The following RLIG1 variants were observed in gnomAD, a reference collection of about 807,000 sequenced individuals.
RLIG1 encodes RNA 5'-phosphate and 3'-OH ligase 1, also known as RNA ligase 1.
chr12:88,048,371 AATAG>A, the RLIG1 span: 247 of 1,588,528 alleles, frequency 1.6e-4, no homozygotes, highest in Non-Finnish European at 1.9e-4. Context: ...ATTTTTTAAA[AATAG>A]ATAATCAGAA....
the RLIG1 span, chr12:88,048,225 T>G: frequency 6.6e-7 from 1 of 1,520,334 alleles, no homozygotes. Context: ...ACCTTTTTTC[T>G]CTTTCCAGGT....
chr12:88,040,138 T>TC, the RLIG1 span: 129 of 1,530,858 alleles, frequency 8.4e-5, no homozygotes, highest in Non-Finnish European at 8.0e-5. Context: ...TCTCTCTCTC[T>TC]TTTTTTAAGC....
chr12:88,041,284 C>T, the RLIG1 span, among the ~76,000 whole-genome samples: 1 of 151,992 alleles, frequency 6.6e-6, no homozygotes, highest in Non-Finnish European at 1.5e-5. Flanking sequence ...AATTTTATTC[C>T]TTTTTAAAGC....
At chr12:88,040,277 C>G in the RLIG1 span, 10 of 1,362,992 alleles carry the variant, frequency 7.3e-6, no homozygotes, top group South Asian at 3.8e-5. Context: ...TAAAATAAAA[C>G]TATAATATTT....
At chr12:88,043,899 A>G in the RLIG1 span, 1 of 592,580 alleles carries the variant, frequency 1.7e-6, no homozygotes, top group Non-Finnish European at 2.9e-6. Context: ...CATATCAAGA[A>G]TGTCCTCTTA....
At chr12:88,036,106 C>G in the RLIG1 span, 3 of 1,331,398 alleles carry the variant, frequency 2.3e-6, no homozygotes, top group East Asian at 4.7e-5. Flanking sequence ...TACTACTTTT[C>G]AAGAGTGCAG....
chr12:88,035,590 A>G, the RLIG1 span: 9 of 1,532,982 alleles, frequency 5.9e-6, no homozygotes, highest in Admixed American at 7.8e-5. Context: ...CTTCTCCGCG[A>G]CTGGACCGGG....
the RLIG1 span, chr12:88,036,120 G>C: frequency 7.7e-7 from 1 of 1,303,180 alleles, no homozygotes; most frequent in East Asian, 5.1e-5. Flanking sequence ...AGTGCAGTAA[G>C]AAAGGGTGGA....
the RLIG1 span, among the ~76,000 whole-genome samples, chr12:88,039,856 A>C: frequency 1.7e-4 from 26 of 152,218 alleles, no homozygotes; most frequent in African/African-American, 6.3e-4. Context: ...CAGGTATATG[A>C]TTAAATATAC....
the RLIG1 span, chr12:88,043,764 A>T: frequency 1.6e-6 from 2 of 1,238,140 alleles, no homozygotes; most frequent in Admixed American, 4.0e-5. Context: ...TAGTAAAATG[A>T]TCAAAATATC....
chr12:88,048,513 C>A, the RLIG1 span: 1 of 747,562 alleles, frequency 1.3e-6, no homozygotes. Context: ...CATTATGAAA[C>A]ATCAATATGT....
the RLIG1 span, chr12:88,036,029 C>T: frequency 6.8e-7 from 1 of 1,460,818 alleles, no homozygotes; most frequent in Middle Eastern, 1.8e-4. Context: ...ACAGCATGTC[C>T]CTTCCTTTTC....
the RLIG1 span, chr12:88,050,020 A>C: frequency 2.1e-5 from 4 of 190,688 alleles, no homozygotes; most frequent in African/African-American, 9.5e-5. Context: ...TATTTTTTTA[A>C]GGGAACTATA....
chr12:88,042,812 A>G, the RLIG1 span: 2 of 1,472,450 alleles, frequency 1.4e-6, no homozygotes, highest in South Asian at 1.4e-5. Context: ...TCCTTTTGTT[A>G]TTACTTTTTT....
the RLIG1 span, among the ~76,000 whole-genome samples, chr12:88,036,262 G>A: frequency 6.6e-6 from 1 of 152,162 alleles, no homozygotes; most frequent in Non-Finnish European, 1.5e-5. Context: ...GTGTTCTCAA[G>A]GTTTTCTGTT....
At chr12:88,036,279 A>G in the RLIG1 span, among the ~76,000 whole-genome samples, 1 of 152,168 alleles carries the variant, frequency 6.6e-6, no homozygotes, top group Non-Finnish European at 1.5e-5. Context: ...TGTTGCAGCA[A>G]CGTGTTTTCC....
At chr12:88,047,986 T>G in the RLIG1 span, among the ~76,000 whole-genome samples, 2 of 152,152 alleles carry the variant, frequency 1.3e-5, no homozygotes, top group Non-Finnish European at 2.9e-5. Flanking sequence ...CCTGGCATGT[T>G]TCCAGGTGCT....
the RLIG1 span, among the ~76,000 whole-genome samples, chr12:88,047,219 T>C: frequency 2.0e-4 from 30 of 152,274 alleles, no homozygotes; most frequent in African/African-American, 6.3e-4. Context: ...ATATATCCCC[T>C]GCGTGGAAAT....
At chr12:88,048,217 CT>C in the RLIG1 span, 2 of 1,512,870 alleles carry the variant, frequency 1.3e-6, no homozygotes, top group Non-Finnish European at 8.8e-7. Context: ...AAGCTAATAC[CT>C]TTTTTCTCTT....
Sources: allele counts gnomAD v4.1 joint callset (sites outside exome capture counted in the v4.1 genomes callset), GRCh38; gene constraint gnomAD v4.1.1; transcripts MANE v1.5; gene names NCBI Gene and HGNC (gene_info 2026-07-23, HGNC 2026-07-21).